SPAG16: variants seen among roughly 807,000 people sequenced by gnomAD.
The protein encoded by SPAG16 is sperm associated antigen 16, also known as sperm-associated antigen 16 protein.
SPAG16 carries 86 observed loss-of-function variants against 80.4 expected under a neutral mutation model. The observed-to-expected ratio is 1.07, with a 90% CI of 0.90 to 1.28. The LOEUF is 1.28. Ranked by LOEUF, SPAG16 falls within the 50% of genes most tolerant of loss-of-function variation. The pLI is 0.00. For synonymous variants in SPAG16, 294 were observed against 265.9 expected, an observed-to-expected ratio of 1.11 and a Z score of -1.03; for missense variants, 870 against 765.3, an observed-to-expected ratio of 1.14 and a Z score of -1.61.
chr2:213,291,866 G>C (rs1215507109), intron 1 of SPAG16, among the ~76,000 whole-genome samples: 4 of 152,144 alleles, frequency 2.6e-5, no homozygotes, highest in Non-Finnish European at 5.9e-5. Context: ...TATCTGTGCT[G>C]TTTGACCTCA....
At chr2:213,963,012 A>G (rs954128730) in intron 12 of SPAG16, among the ~76,000 whole-genome samples, 2 of 144,208 alleles carry the variant, frequency 1.4e-5, no homozygotes, top group Non-Finnish European at 3.1e-5. Context: ...GATTTTTTCT[A>G]TTGTTTTTAT....
rs1446330147 is a variant in SPAG16, at chr2:214,154,823, T to G, written c.1720+5557T>G. On this transcript the variant is annotated intron_variant, in intron 15 of 15. Coordinates refer to ENST00000331683, the MANE Select transcript of SPAG16 (RefSeq NM_024532.5). Reference sequence around the variant, plus strand: ...TAGGGACTTCTACTACCAGACAAGATGTTGTAACAAAGACCAACCAGATTT... The same window carrying G: ...TAGGGACTTCTACTACCAGACAAGAGGTTGTAACAAAGACCAACCAGATTT... 4.6e-5 allele frequency among the ~76,000 whole-genome samples: 7 copies of G among 152,254 alleles called. No individual in the cohort carries two copies. In the East Asian group the frequency reaches 5.8e-4, roughly 13 times the overall value.
At chr2:214,249,508 T>A (rs995970028) in intron 15 of SPAG16, among the ~76,000 whole-genome samples, 5 of 151,948 alleles carry the variant, frequency 3.3e-5, no homozygotes, top group African/African-American at 1.2e-4. Context: ...ATAACAGTAC[T>A]CACAGAAATG....
At chr2:214,189,347 C>A (rs908644735) in intron 15 of SPAG16, among the ~76,000 whole-genome samples, 17 of 152,084 alleles carry the variant, frequency 1.1e-4, no homozygotes, top group African/African-American at 4.1e-4. Context: ...AAAAAAATCA[C>A]CAAAGCTATT....
At position 213,352,764 on chromosome 2, in the gene SPAG16, C is replaced by A. The variant is rs191116589; in HGVS notation, c.762+2119C>A. 2.0e-5 allele frequency among the ~76,000 whole-genome samples: 3 copies of A among 152,260 alleles called. No homozygotes were observed. The East Asian group carries it at 5.8e-4, about 29-fold the overall frequency. On this transcript the variant is annotated intron_variant, in intron 7 of 15. Coordinates refer to ENST00000331683, the MANE Select transcript of SPAG16 (RefSeq NM_024532.5). ...ATCTATGAGTTAGAGTTGAATTTTG[C>A]ACACTACTGTTCAGATGTGCAAAGA...
intron 15 of SPAG16, among the ~76,000 whole-genome samples, chr2:214,177,706 T>C (rs781189975): frequency 6.0e-5 from 9 of 150,302 alleles, no homozygotes; most frequent in Non-Finnish European, 1.3e-4. Context: ...CAGAATGGCT[T>C]AGTACTTAGC....
intron 13 of SPAG16, among the ~76,000 whole-genome samples, chr2:214,034,183 A>G (rs2048565579): frequency 6.6e-6 from 1 of 152,180 alleles, no homozygotes; most frequent in Non-Finnish European, 1.5e-5. Context: ...TGCTCTTTTC[A>G]CAGAATTTTA....
chr2:214,197,063 G>A (rs555839174), intron 15 of SPAG16, among the ~76,000 whole-genome samples: 2 of 151,934 alleles, frequency 1.3e-5, no homozygotes, highest in African/African-American at 4.8e-5. Context: ...CAGAAGACAG[G>A]TACACCTGCC....
intron 10 of SPAG16, among the ~76,000 whole-genome samples, chr2:213,762,838 G>A (rs1305458028): frequency 2.0e-5 from 3 of 152,142 alleles, no homozygotes; most frequent in African/African-American, 7.2e-5. Flanking sequence ...CCAACAGAGT[G>A]AAAATGCAGT....
intron 3 of SPAG16, among the ~76,000 whole-genome samples, chr2:213,307,679 A>G (rs1009438107): frequency 2.6e-5 from 4 of 152,060 alleles, no homozygotes; most frequent in African/African-American, 7.2e-5. Flanking sequence ...AGCATGATTT[A>G]TAGTCCTTTT....
chr2:213,923,523 C>T (rs1559592641), intron 11 of SPAG16, among the ~76,000 whole-genome samples: 1 of 152,186 alleles, frequency 6.6e-6, no homozygotes, highest in Non-Finnish European at 1.5e-5. Context: ...GAGGCTTGTG[C>T]TCCTCAGCTG....
intron 11 of SPAG16, among the ~76,000 whole-genome samples, chr2:213,913,484 GTGTGTCTGTGTGTC>G (rs2077775558): frequency 1.7e-5 from 2 of 118,542 alleles, no homozygotes; most frequent in South Asian, 4.5e-4. Context: ...ATATGTGTGT[GTGTGTCTGTGTGTC>G]TGTGTGTGTG....
At chr2:213,635,041 T>TA (rs1491443218) in intron 10 of SPAG16, among the ~76,000 whole-genome samples, 1 of 128,328 alleles carries the variant, frequency 7.8e-6, no homozygotes, top group Admixed American at 7.6e-5. Flanking sequence ...TTTTTCTTTC[T>TA]TTTTTTTTTT....
chr2:214,325,434 G>C (rs1046051218), intron 15 of SPAG16, among the ~76,000 whole-genome samples: 3 of 152,184 alleles, frequency 2.0e-5, no homozygotes, highest in African/African-American at 7.2e-5. Context: ...GAACTTTTAA[G>C]TATGTGTGTT....
intron 15 of SPAG16, among the ~76,000 whole-genome samples, chr2:214,158,499 A>C (rs2056308632): frequency 6.6e-6 from 1 of 152,026 alleles, no homozygotes; most frequent in Non-Finnish European, 1.5e-5. Flanking sequence ...AAATGCATAA[A>C]TTCCAACATT....
intron 1 of SPAG16, among the ~76,000 whole-genome samples, chr2:213,285,434 T>C (rs1258286749): frequency 6.6e-6 from 1 of 152,220 alleles, no homozygotes. Flanking sequence ...AAAAGACATG[T>C]AACTCCTTTA....
chr2:213,999,965 G>A (rs2046713188), intron 12 of SPAG16, among the ~76,000 whole-genome samples: 2 of 152,168 alleles, frequency 1.3e-5, no homozygotes, highest in East Asian at 3.9e-4. Context: ...GCTTGCTTTT[G>A]ATTTTACAGG....
intron 11 of SPAG16, among the ~76,000 whole-genome samples, chr2:213,925,354 C>T (rs2078419933): frequency 8.6e-6 from 1 of 116,394 alleles, no homozygotes; most frequent in Non-Finnish European, 2.0e-5. Flanking sequence ...TTCTTTTCTT[C>T]CTTTTTTTTT....
chr2:213,973,538 C>T (rs1408584209), intron 12 of SPAG16, among the ~76,000 whole-genome samples: 9 of 151,938 alleles, frequency 5.9e-5, no homozygotes, highest in South Asian at 2.1e-4. Context: ...CTGAGAACAC[C>T]GGTTAACATC....
Sources: allele counts gnomAD v4.1 joint callset (sites outside exome capture counted in the v4.1 genomes callset), GRCh38; gene constraint gnomAD v4.1.1; transcripts MANE v1.5; gene names NCBI Gene and HGNC (gene_info 2026-07-23, HGNC 2026-07-21).